The following WDR76 variants were observed in gnomAD, a reference collection of about 807,000 sequenced individuals.
The protein encoded by WDR76 is WD repeat-containing protein 76.
WDR76 carries 52 observed loss-of-function variants against 70.2 expected under a neutral mutation model. That is an observed-to-expected ratio of 0.74 (90% confidence interval 0.59 to 0.93). The LOEUF is 0.93. Ranked by LOEUF, WDR76 falls within the 40% of genes least tolerant of loss-of-function variation. The pLI is 0.00. For missense variants in WDR76, 756 were observed against 760.2 expected, an observed-to-expected ratio of 0.99 and a Z score of 0.07; for synonymous variants, 292 against 271.1, an observed-to-expected ratio of 1.08 and a Z score of -0.76.
chr15:43,845,685 G>A (rs535828159), intron 8 of WDR76, among the ~76,000 whole-genome samples: 3 of 150,606 alleles, frequency 2.0e-5, no homozygotes, highest in African/African-American at 7.2e-5. Context: ...AATGATTTTA[G>A]TTATCTTTGA....
intron 5 of WDR76, among the ~76,000 whole-genome samples, chr15:43,841,932 G>C (rs1215203692): frequency 1.3e-5 from 2 of 151,918 alleles, no homozygotes; most frequent in African/African-American, 4.8e-5. Flanking sequence ...CAATAGTGCA[G>C]TCTTGGCTCA....
chr15:43,843,442 G>C (rs2087750487), intron 7 of WDR76, among the ~76,000 whole-genome samples: 1 of 152,020 alleles, frequency 6.6e-6, no homozygotes, highest in Non-Finnish European at 1.5e-5. Context: ...CTTGGTATTT[G>C]CGGTTGTTTT....
intron 2 of WDR76, among the ~76,000 whole-genome samples, chr15:43,829,836 C>T (rs770017080): frequency 2.6e-5 from 4 of 151,874 alleles, no homozygotes; most frequent in Non-Finnish European, 5.9e-5. Flanking sequence ...AACCTTGTTC[C>T]TTTAAGCAAA....
intron 2 of WDR76, among the ~76,000 whole-genome samples, chr15:43,829,229 C>T (rs1370572384): frequency 1.3e-5 from 2 of 152,020 alleles, no homozygotes; most frequent in Non-Finnish European, 2.9e-5. Context: ...CTTCTGCTGC[C>T]TACCAGGAGC....
At chr15:43,850,657 A>C (rs1170676107) in intron 8 of WDR76, among the ~76,000 whole-genome samples, 1 of 152,176 alleles carries the variant, frequency 6.6e-6, no homozygotes, top group Non-Finnish European at 1.5e-5. Context: ...CCCAGGACCA[A>C]ATACCTTACG....
chr15:43,859,880 G>T (rs947321588), intron 11 of WDR76, among the ~76,000 whole-genome samples: 1 of 152,236 alleles, frequency 6.6e-6, no homozygotes, highest in African/African-American at 2.4e-5. Context: ...AGAGAAGGAG[G>T]TGGTGATGCT....
At chr15:43,831,435 A>G (rs2087586675) in intron 2 of WDR76, among the ~76,000 whole-genome samples, 1 of 150,728 alleles carries the variant, frequency 6.6e-6, no homozygotes, top group Admixed American at 6.6e-5. Flanking sequence ...CACTGAGCCC[A>G]GCCAAGATAC....
At chr15:43,829,327 CAG>C (rs2087557876) in intron 2 of WDR76, among the ~76,000 whole-genome samples, 1 of 151,938 alleles carries the variant, frequency 6.6e-6, no homozygotes. Context: ...ACTCAGAAAA[CAG>C]AAAATGATCC....
intron 8 of WDR76, among the ~76,000 whole-genome samples, chr15:43,849,174 C>CA (rs1221622507): frequency 0.016 from 947 of 60,556 alleles, 7 homozygotes; most frequent in Non-Finnish European, 0.019. Context: ...GACTTCATCT[C>CA]AAAAAAAAAA....
chr15:43,861,537 C>G lies in WDR76; in HGVS notation c.1616+151C>G, dbSNP rs955290592. ...AGTGTCCCAGTTTGCTAGTTCCTAT[C>G]CAGAAGGGTTCTTGCTTCCAGGTTC... On this transcript the variant is annotated intron_variant, in intron 12 of 12. Transcript: ENST00000263795. 7.9e-6 allele frequency: 6 copies of G among 758,644 alleles called. No homozygotes were observed. In the African/African-American group the frequency reaches 1.1e-4, roughly 13 times the overall value. The allele number at this position is 758,644 out of a possible 1,614,324, so 47.0% of individuals were successfully genotyped here. A position where few individuals can be genotyped will look rare whatever the true frequency, so the allele number is the denominator to read the frequency against.
At chr15:43,851,796 T>G (rs2087863207) in intron 9 of WDR76, among the ~76,000 whole-genome samples, 1 of 152,006 alleles carries the variant, frequency 6.6e-6, no homozygotes, top group African/African-American at 2.4e-5. Flanking sequence ...TTAGCTGAGC[T>G]TGGTGGTGTG....
intron 12 of WDR76, among the ~76,000 whole-genome samples, chr15:43,864,431 T>A (rs554518438): frequency 6.6e-6 from 1 of 152,352 alleles, no homozygotes; most frequent in South Asian, 2.1e-4. Context: ...CTTTTGCTGT[T>A]TTCATAATGG....
chr15:43,851,221 T>C lies in WDR76; in HGVS notation c.1167T>C (p.Asp389=). 6.2e-7 allele frequency: 1 copy of C among 1,613,994 alleles called. No homozygotes were observed. Among genetic ancestry groups the C allele is most frequent in the Non-Finnish European group, 8.5e-7 (1 of 1,179,968 alleles). The part of the protein sequence containing the change: ...LSYDGTLRCG[D]FSRAIFEEVY... Reference sequence around the variant, plus strand: ...ATGATGGCACGTTACGCTGTGGGGATTTTTCCAGGGCTATTTTTGAAGAGG... The same window carrying C: ...ATGATGGCACGTTACGCTGTGGGGACTTTTCCAGGGCTATTTTTGAAGAGG... Residue 389 remains aspartate, a synonymous_variant, in exon 9 of 13, where the codon GAT becomes GAC. Transcript: ENST00000263795.
intron 9 of WDR76, among the ~76,000 whole-genome samples, chr15:43,853,273 C>A (rs1595449718): frequency 6.6e-6 from 1 of 151,848 alleles, no homozygotes; most frequent in South Asian, 2.1e-4. Context: ...TCACCGCAGC[C>A]TCTGCCTCCC....
chr15:43,865,165 G>A (rs772588578), intron 12 of WDR76, among the ~76,000 whole-genome samples: 43 of 145,712 alleles, frequency 3.0e-4, no homozygotes, highest in Non-Finnish European at 8.9e-5. Context: ...GTGCAATCTC[G>A]GCTCACTGTA....
chr15:43,831,734 A>G (rs2087591781), intron 2 of WDR76, among the ~76,000 whole-genome samples: 2 of 151,300 alleles, frequency 1.3e-5, no homozygotes, highest in South Asian at 2.1e-4. Flanking sequence ...GCCACCGCGC[A>G]TGCCATGTCT....
chr15:43,829,600 G>A (rs910810259), intron 2 of WDR76, among the ~76,000 whole-genome samples: 2 of 147,544 alleles, frequency 1.4e-5, no homozygotes, highest in Non-Finnish European at 3.0e-5. Flanking sequence ...TCCTCCTCCC[G>A]GGTTCACACC....
intron 7 of WDR76, among the ~76,000 whole-genome samples, 159 bp from the exon 8 acceptor site, chr15:43,843,742 G>A (rs1319009757): frequency 6.6e-6 from 1 of 152,160 alleles, no homozygotes; most frequent in Non-Finnish European, 1.5e-5. Context: ...TTTAAAAAGT[G>A]AAAGAATATT....
chr15:43,839,707 G>A lies in WDR76; in HGVS notation c.711G>A (p.Pro237=), dbSNP rs898931942. 1.8e-5 allele frequency: 29 copies of A among 1,608,850 alleles called. No homozygotes were observed. The highest frequency in any genetic ancestry group is 4.0e-5 in the African/African-American group (3 of 74,752). ...CATTACCAGCAGCTCCAACACCGCC[G>A]ACATTAGTAGCAGATGAAACTGTAA... is the stretch of plus-strand genomic sequence containing the variant. ...GVSLPAAPTP[P]TLVADETPLL... Residue 237 remains proline, a synonymous_variant, in exon 5 of 13, where the codon CCG becomes CCA. Coordinates refer to ENST00000263795, the MANE Select transcript of WDR76 (RefSeq NM_024908.4).
Sources: gnomAD v4.1 joint callset for allele counts (sites outside exome capture counted in the v4.1 genomes callset) on GRCh38, gnomAD v4.1.1 for gene constraint, MANE v1.5 for transcripts, NCBI Gene and HGNC (gene_info 2026-07-23, HGNC 2026-07-21) for gene names.